Variants in SPOCK3 observed in about 807,000 individuals in gnomAD.
The protein encoded by SPOCK3 is testican-3.
In SPOCK3, 30 loss-of-function variants were observed where a neutral mutation model predicts 56.6. The observed-to-expected ratio is 0.53, with a 90% confidence interval of 0.40 to 0.72. SPOCK3 has a LOEUF of 0.72. SPOCK3 is among the 30% of genes least tolerant of loss of function. The pLI is 0.00. For missense variants in SPOCK3, 527 were observed against 530.0 expected, an observed-to-expected ratio of 0.99 and a Z score of 0.06; for synonymous variants, 196 against 183.3, an observed-to-expected ratio of 1.07 and a Z score of -0.56.
intron 2 of SPOCK3, among the ~76,000 whole-genome samples, chr4:167,159,101 GGT>G (rs1765059223): frequency 2.6e-5 from 4 of 151,948 alleles, no homozygotes; most frequent in Admixed American, 2.6e-4. Flanking sequence ...ATCTGTCCTT[GGT>G]GTGAATCCTT....
chr4:167,077,878 G>T (rs1757340196), intron 2 of SPOCK3, among the ~76,000 whole-genome samples: 1 of 151,728 alleles, frequency 6.6e-6, no homozygotes, highest in Non-Finnish European at 1.5e-5. Flanking sequence ...AGGAAGAAAA[G>T]AAAAAGGAGG....
At chr4:166,834,322 AC>A (rs1746390436) in intron 6 of SPOCK3, among the ~76,000 whole-genome samples, 1 of 152,186 alleles carries the variant, frequency 6.6e-6, no homozygotes, top group South Asian at 2.1e-4. Context: ...ATAGGTAGCC[AC>A]CTTTTTCTCA....
At chr4:167,054,415 T>G (rs2150227315) in intron 3 of SPOCK3, among the ~76,000 whole-genome samples, 1 of 152,342 alleles carries the variant, frequency 6.6e-6, no homozygotes, top group South Asian at 2.1e-4. Flanking sequence ...TTCCCTTCAG[T>G]TTATTTATCA....
rs758290779 is a variant in SPOCK3 at position 166,996,905 on chromosome 4, T to C, written c.350+3444A>G. ...AGGAGAAATTTACTAATTATTTCAA[T>C]TATTTACAAATCCAAGTGAAGGACC... is the stretch of plus-strand genomic sequence containing the variant. On this transcript the variant is annotated intron_variant, in intron 4 of 10. Coordinates refer to ENST00000357545, the MANE Select transcript of SPOCK3 (RefSeq NM_001040159.2). 5.5e-4 allele frequency among the ~76,000 whole-genome samples: 84 copies of C among 152,310 alleles called. 1 individual carries two copies. Among genetic ancestry groups the C allele is most frequent in the Middle Eastern group, 6.8e-3 (2 of 294 alleles).
At chr4:167,188,782 C>CTTAT (rs1191103668) in intron 2 of SPOCK3, among the ~76,000 whole-genome samples, 2 of 145,954 alleles carry the variant, frequency 1.4e-5, no homozygotes, top group Admixed American at 1.4e-4. Flanking sequence ...TACTATAGAT[C>CTTAT]TTATGACATT....
intron 4 of SPOCK3, among the ~76,000 whole-genome samples, chr4:166,987,414 T>C (rs1389952171): frequency 6.6e-6 from 1 of 152,226 alleles, no homozygotes; most frequent in Non-Finnish European, 1.5e-5. Context: ...ATCTGCCTTG[T>C]CATTGATCAC....
chr4:167,100,193 C>G (rs1253019437), intron 2 of SPOCK3, among the ~76,000 whole-genome samples: 1 of 152,060 alleles, frequency 6.6e-6, no homozygotes, highest in Non-Finnish European at 1.5e-5. Flanking sequence ...GCCAAGGCCT[C>G]TTATCTCAGT....
chr4:166,822,327 T>C (rs1390936071), intron 6 of SPOCK3, among the ~76,000 whole-genome samples: 1 of 152,054 alleles, frequency 6.6e-6, no homozygotes, highest in African/African-American at 2.4e-5. Flanking sequence ...TCTGAAAATG[T>C]GGATCAGTAT....
intron 2 of SPOCK3, among the ~76,000 whole-genome samples, chr4:167,227,033 T>C (rs1736668266): frequency 1.3e-5 from 2 of 152,126 alleles, no homozygotes; most frequent in Non-Finnish European, 2.9e-5. Context: ...TGAAGTTCAG[T>C]AGTTGAAGAA....
chr4:166,992,902 G>A (rs1747954879), intron 4 of SPOCK3, among the ~76,000 whole-genome samples: 1 of 152,068 alleles, frequency 6.6e-6, no homozygotes. Flanking sequence ...GCTTATGTGT[G>A]AAGGAATTCC....
At chr4:166,737,654 T>C (rs1389158308) in intron 9 of SPOCK3, 50 bp from the exon 10 acceptor site, 1 of 1,560,056 alleles carries the variant, frequency 6.4e-7, no homozygotes, top group Admixed American at 1.8e-5. Flanking sequence ...AGTTTATGAA[T>C]AAGCTGTGCT....
At position 166,941,565 on chromosome 4, in the gene SPOCK3, T is replaced by A. The variant is rs549341506; in HGVS notation, c.351-28822A>T. ...AGTTGGCCTCTAAGATGGTCCTCAG[T>A]GATCCTTGCCTCTGGTTCACACCTT... On this transcript the variant is annotated intron_variant, in intron 4 of 10. Coordinates refer to ENST00000357545, the MANE Select transcript of SPOCK3 (RefSeq NM_001040159.2). Among the ~76,000 whole-genome samples the A allele has an allele frequency of 5.3e-5, 8 of 152,334 alleles. No individual in the cohort carries two copies. The South Asian group carries it at 1.7e-3, about 32-fold the overall frequency.
chr4:166,862,246 C>T (rs1200193504), intron 6 of SPOCK3, among the ~76,000 whole-genome samples: 6 of 151,470 alleles, frequency 4.0e-5, no homozygotes, highest in South Asian at 2.1e-4. Flanking sequence ...GCTTCCTACT[C>T]GATGAACTTG....
intron 4 of SPOCK3, among the ~76,000 whole-genome samples, chr4:166,989,156 C>A (rs969890523): frequency 1.3e-5 from 2 of 151,872 alleles, no homozygotes; most frequent in Non-Finnish European, 2.9e-5. Flanking sequence ...ATTTCAAAGC[C>A]TCCCATTATT....
At chr4:166,842,170 G>GAGC (rs1458679676) in intron 6 of SPOCK3, among the ~76,000 whole-genome samples, 1 of 152,216 alleles carries the variant, frequency 6.6e-6, no homozygotes, top group African/African-American at 2.4e-5. Context: ...CCCAAAGAGT[G>GAGC]AGCAGCAGCA....
At chr4:166,920,823 A>T (rs960421888) in intron 4 of SPOCK3, among the ~76,000 whole-genome samples, 1 of 152,206 alleles carries the variant, frequency 6.6e-6, no homozygotes, top group Admixed American at 6.5e-5. Context: ...TTTAATTTTT[A>T]AAAAATTTTC....
chr4:166,742,020 C>G lies in SPOCK3; in HGVS notation c.971G>C (p.Arg324Pro). 3 of 1,612,770 alleles carry G rather than the reference C, an allele frequency of 1.9e-6. No individual in the cohort carries two copies. ...CQTELSNIQK[R>P]QGVKKLLGQY... is the part of the protein sequence containing the mutation. Reference sequence around the variant, plus strand: ...ACCTAGGAGCTTCTTTACCCCTTGCCGCTTCTGAATATTGCTGAGCTCAGT... The same window carrying G: ...ACCTAGGAGCTTCTTTACCCCTTGCGGCTTCTGAATATTGCTGAGCTCAGT... Residue 324 changes from arginine (R) to proline (P), a missense_variant, in exon 9 of 11, where the codon CGG (arginine) becomes CCG (proline). Arg to Pro is a moderately radical substitution (Grantham distance 103). Transcript: ENST00000357545.
At chr4:167,234,369 G>A in intron 1 of SPOCK3, 81 bp downstream of exon 1, 1 of 613,074 alleles carries the variant, frequency 1.6e-6, no homozygotes. Flanking sequence ...CGCAGACCCA[G>A]AGGAGGAGAG....
intron 4 of SPOCK3, among the ~76,000 whole-genome samples, chr4:166,930,954 G>A (rs1415820182): frequency 6.6e-6 from 1 of 151,944 alleles, no homozygotes; most frequent in Non-Finnish European, 1.5e-5. Flanking sequence ...CTCATTCTAC[G>A]TTTCTTGTAG....
Sources: gnomAD v4.1 joint callset for allele counts (sites outside exome capture counted in the v4.1 genomes callset) on GRCh38, gnomAD v4.1.1 for gene constraint, MANE v1.5 for transcripts, NCBI Gene and HGNC (gene_info 2026-07-23, HGNC 2026-07-21) for gene names.